The following RFX7 variants were observed in gnomAD, a reference collection of about 807,000 sequenced individuals.
RFX7 encodes the protein DNA-binding protein RFX7.
RFX7 carries 26 observed loss-of-function variants against 111.8 expected under a neutral mutation model. The ratio of observed to expected loss-of-function variants is 0.23; its 90% CI spans 0.17 to 0.32. The LOEUF (loss-of-function observed/expected upper bound fraction) is 0.32. RFX7 is among the 10% of genes least tolerant of loss of function. The probability of loss-of-function intolerance (pLI) is 1.00; values close to 1 mark genes in which losing one functional copy is unlikely to be tolerated. For missense variants in RFX7, 1,573 were observed against 1,772.9 expected, an observed-to-expected ratio of 0.89 and a Z score of 2.02; for synonymous variants, 624 against 624.4, an observed-to-expected ratio of 1.00 and a Z score of 0.01.
intron 5 of RFX7, among the ~76,000 whole-genome samples, chr15:56,106,369 T>A (rs74018318): frequency 0.039 from 5,991 of 152,258 alleles, 403 homozygotes; most frequent in African/African-American, 0.14. Context: ...TTATTCCTCC[T>A]GAATCATGTC....
At chr15:56,133,858 T>G (rs1253542164) in intron 5 of RFX7, among the ~76,000 whole-genome samples, 1 of 152,160 alleles carries the variant, frequency 6.6e-6, no homozygotes, top group African/African-American at 2.4e-5. Context: ...TTGAAGCTTC[T>G]ACATGCTGTA....
chr15:56,161,785 G>T (rs1451801551), intron 3 of RFX7, among the ~76,000 whole-genome samples: 2 of 151,974 alleles, frequency 1.3e-5, no homozygotes, highest in Non-Finnish European at 1.5e-5. Context: ...TTAGACAAGG[G>T]CATACTGCTA....
chr15:56,186,962 T>G (rs1218134518), intron 2 of RFX7, among the ~76,000 whole-genome samples: 1 of 152,198 alleles, frequency 6.6e-6, no homozygotes, highest in Non-Finnish European at 1.5e-5. Context: ...TTTGTAATAT[T>G]CCATTTAGTG....
chr15:56,112,139 A>G (rs2041945022), intron 5 of RFX7, among the ~76,000 whole-genome samples: 1 of 150,946 alleles, frequency 6.6e-6, no homozygotes. Context: ...AAAAAGAATC[A>G]CTAACCTGGT....
Position 56,091,530 on chromosome 15 carries a change from T to C in RFX7, c.*1815A>G, listed in dbSNP as rs1182344684. 2.0e-5 allele frequency: 3 copies of C among 152,684 alleles called. No individual in the cohort carries two copies. Among genetic ancestry groups the C allele is most frequent in the Non-Finnish European group, 2.9e-5 (2 of 67,972 alleles). 9.5% of individuals were successfully genotyped at this position (152,684 alleles called of 1,614,324 possible). A position where few individuals can be genotyped will look rare whatever the true frequency, so the allele number is the denominator to read the frequency against. On this transcript the variant is annotated 3_prime_UTR_variant, in exon 10 of 10. Transcript: ENST00000559447. ...TAATAATGTAAACAAGGGATTAGAA[T>C]GGCCTCAAAATCTCCTTTTCAGAGT...
chr15:56,232,545 A>G (rs1337138610), intron 2 of RFX7, among the ~76,000 whole-genome samples: 2 of 152,142 alleles, frequency 1.3e-5, no homozygotes, highest in East Asian at 1.9e-4. Flanking sequence ...CTCGTTACTT[A>G]TGCAAATTTC....
intron 3 of RFX7, among the ~76,000 whole-genome samples, chr15:56,165,439 C>A (rs1463814115): frequency 6.6e-6 from 1 of 152,194 alleles, no homozygotes; most frequent in Admixed American, 6.5e-5. Flanking sequence ...TACCCTTAAT[C>A]CTCCAGAAGC....
At chr15:56,149,935 G>A (rs1466083462) in intron 3 of RFX7, among the ~76,000 whole-genome samples, 1 of 151,492 alleles carries the variant, frequency 6.6e-6, no homozygotes, top group East Asian at 2.0e-4. Flanking sequence ...CACTCCCACG[G>A]AGCCCAGGAA....
At chr15:56,214,230 C>A (rs1279398533) in intron 2 of RFX7, among the ~76,000 whole-genome samples, 1 of 152,094 alleles carries the variant, frequency 6.6e-6, no homozygotes, top group East Asian at 1.9e-4. Flanking sequence ...CTATTCTAGG[C>A]CATTTTTTCT....
At chr15:56,233,226 A>T (rs1567055440) in intron 2 of RFX7, among the ~76,000 whole-genome samples, 1 of 152,212 alleles carries the variant, frequency 6.6e-6, no homozygotes, top group Non-Finnish European at 1.5e-5. Context: ...AGGCCGCACA[A>T]TCATGGTGGC....
At chr15:56,205,804 T>C (rs2043244758) in intron 2 of RFX7, among the ~76,000 whole-genome samples, 1 of 152,102 alleles carries the variant, frequency 6.6e-6, no homozygotes. Flanking sequence ...AGTTATTAAA[T>C]GGAGGAAAGA....
chr15:56,242,307 G>A (rs1161851558), intron 2 of RFX7, among the ~76,000 whole-genome samples: 1 of 152,114 alleles, frequency 6.6e-6, no homozygotes, highest in Admixed American at 6.5e-5. Flanking sequence ...AAAGAATATT[G>A]CAATGGCTCT....
rs377400618 is a variant in RFX7 at position 56,094,521 on chromosome 15, A to G, written c.3207T>C (p.Tyr1069=). The change falls in exon 10 of 10, where the codon TAT becomes TAC. Residue 1069 remains tyrosine (Y), a synonymous_variant. Coordinates refer to ENST00000559447, the MANE Select transcript of RFX7 (RefSeq NM_022841.7). Reference sequence around the variant, plus strand: ...AAACTGATGAATTACCAACCCCACTATACCCATTATTCATCCATTCAAGCT... The same window carrying G: ...AAACTGATGAATTACCAACCCCACTGTACCCATTATTCATCCATTCAAGCT... ...KTKLEWMNNG[Y]SGVGNSSVSG... The G allele has an allele frequency of 2.8e-5, 45 of 1,613,790 alleles. No individual in the cohort carries two copies. Among genetic ancestry groups the G allele is most frequent in the Non-Finnish European group, 3.8e-5 (45 of 1,179,870 alleles).
chr15:56,171,153 G>A (rs2042841247), intron 3 of RFX7, among the ~76,000 whole-genome samples: 1 of 152,172 alleles, frequency 6.6e-6, no homozygotes, highest in Non-Finnish European at 1.5e-5. Context: ...CAAGGAGTCA[G>A]AACTGATAGG....
Position 56,089,034 on chromosome 15 carries a change from A to G in RFX7, c.*4311T>C, listed in dbSNP as rs1362156575. 2 of 152,178 alleles carry G rather than the reference A, an allele frequency of 1.3e-5. No individual in the cohort carries two copies. The highest frequency in any genetic ancestry group is 2.9e-5 in the Non-Finnish European group (2 of 68,034). 9.4% of individuals were successfully genotyped at this position (152,178 alleles called of 1,614,324 possible). On this transcript the variant is annotated 3_prime_UTR_variant, in exon 10 of 10. Coordinates refer to ENST00000559447, the MANE Select transcript of RFX7 (RefSeq NM_022841.7). ...TTGCCTCCCAAAGAGCAAGTCCCTA[A>G]TATCTTCCCTAGGTGATGGAACTCA...
chr15:56,180,724 G>A (rs982630681), intron 2 of RFX7, among the ~76,000 whole-genome samples: 1 of 145,564 alleles, frequency 6.9e-6, no homozygotes, highest in African/African-American at 2.6e-5. Context: ...TGGGCAACAC[G>A]GTAAAACCCC....
chr15:56,222,151 T>C (rs1382067462), intron 2 of RFX7, among the ~76,000 whole-genome samples: 1 of 152,222 alleles, frequency 6.6e-6, no homozygotes, highest in African/African-American at 2.4e-5. Context: ...ATTTCCAGAT[T>C]GACAACTTTT....
intron 2 of RFX7, among the ~76,000 whole-genome samples, chr15:56,235,082 A>C (rs1238682490): frequency 1.3e-5 from 2 of 152,200 alleles, no homozygotes; most frequent in African/African-American, 4.8e-5. Flanking sequence ...CACATACGTA[A>C]GTAGAGAAAT....
intron 5 of RFX7, among the ~76,000 whole-genome samples, chr15:56,114,460 GAAAAGA>G (rs1322621292): frequency 1.3e-5 from 2 of 150,420 alleles, no homozygotes; most frequent in East Asian, 2.0e-4. Context: ...AACAGAAAAG[GAAAAGA>G]AAAAGAAAAA....
Sources: gnomAD v4.1 joint callset for allele counts (sites outside exome capture counted in the v4.1 genomes callset) on GRCh38, gnomAD v4.1.1 for gene constraint, MANE v1.5 for transcripts, NCBI Gene and HGNC (gene_info 2026-07-23, HGNC 2026-07-21) for gene names.